CSMD1: variants seen among roughly 807,000 people sequenced by gnomAD.
The protein encoded by CSMD1 is CUB and sushi domain-containing protein 1.
CSMD1 carries 213 observed loss-of-function variants against 417.5 expected under a neutral mutation model. The observed-to-expected ratio is 0.51, with a 90% CI of 0.46 to 0.57. The LOEUF (loss-of-function observed/expected upper bound fraction) is 0.57. CSMD1 is among the 20% of genes least tolerant of loss of function. The probability of loss-of-function intolerance (pLI) is 0.00; values close to 1 mark genes in which losing one functional copy is unlikely to be tolerated. For synonymous variants in CSMD1, 2,862 were observed against 1,736.8 expected, an observed-to-expected ratio of 1.65 and a Z score of -16.11; for missense variants, 6,923 against 4,529.7, an observed-to-expected ratio of 1.53 and a Z score of -15.17.
intron 2 of CSMD1, among the ~76,000 whole-genome samples, chr8:4,454,049 C>G (rs1799322900): frequency 6.6e-6 from 1 of 151,972 alleles, no homozygotes; most frequent in Non-Finnish European, 1.5e-5. Context: ...GTCTCGATCT[C>G]CTGACCTCGT....
chr8:3,415,727 G>A (rs770386994), intron 12 of CSMD1, among the ~76,000 whole-genome samples: 1 of 152,104 alleles, frequency 6.6e-6, no homozygotes, highest in African/African-American at 2.4e-5. Context: ...TATATATTCT[G>A]GAGAATCTGA....
At chr8:4,394,301 CCCT>C (rs1804059224) in intron 3 of CSMD1, among the ~76,000 whole-genome samples, 1 of 151,988 alleles carries the variant, frequency 6.6e-6, no homozygotes, top group Admixed American at 6.5e-5. Flanking sequence ...AAAATGTTTA[CCCT>C]CCTATGTTTC....
chr8:4,457,285 T>A (rs184987349), intron 2 of CSMD1, among the ~76,000 whole-genome samples: 3 of 152,136 alleles, frequency 2.0e-5, no homozygotes, highest in Non-Finnish European at 1.5e-5. Flanking sequence ...CATATATCAT[T>A]TGAATTGCAT....
intron 3 of CSMD1, among the ~76,000 whole-genome samples, chr8:4,236,035 G>GTTTTTTTTTT (rs869046913): frequency 4.4e-5 from 5 of 112,610 alleles, no homozygotes; most frequent in African/African-American, 1.9e-4. Context: ...TGTTTTTTTT[G>GTTTTTTTTTT]TTTGTTTTTT....
chr8:4,294,419 T>G (rs1004878968), intron 3 of CSMD1, among the ~76,000 whole-genome samples: 1 of 152,170 alleles, frequency 6.6e-6, no homozygotes, highest in African/African-American at 2.4e-5. Flanking sequence ...ATAGCTAATG[T>G]TTATCAGACA....
intron 18 of CSMD1, among the ~76,000 whole-genome samples, chr8:3,379,532 A>T (rs1002824524): frequency 6.6e-6 from 1 of 152,204 alleles, no homozygotes; most frequent in African/African-American, 2.4e-5. Context: ...ACAGCAAGGT[A>T]CTGGTACCAA....
chr8:4,441,306 T>C (rs1251633857), intron 2 of CSMD1, among the ~76,000 whole-genome samples: 1 of 99,892 alleles, frequency 1.0e-5, no homozygotes. Context: ...GAGAGGGAGG[T>C]CTCACTCTGC....
intron 5 of CSMD1, among the ~76,000 whole-genome samples, chr8:3,862,261 C>G (rs1321457282): frequency 6.6e-6 from 1 of 152,182 alleles, no homozygotes; most frequent in African/African-American, 2.4e-5. Context: ...ACTTAGGGGA[C>G]TGTGATAACT....
At chr8:4,124,075 G>A (rs1272117622) in intron 3 of CSMD1, among the ~76,000 whole-genome samples, 2 of 151,496 alleles carry the variant, frequency 1.3e-5, no homozygotes, top group East Asian at 1.9e-4. Flanking sequence ...AGACTTCTAC[G>A]CACAGAACAA....
intron 12 of CSMD1, among the ~76,000 whole-genome samples, chr8:3,440,790 T>C (rs1585168884): frequency 6.6e-6 from 1 of 152,212 alleles, no homozygotes; most frequent in East Asian, 1.9e-4. Context: ...TTTTGTTTTG[T>C]TGTTTTGTAA....
chr8:3,561,959 G>C (rs1295346272), intron 10 of CSMD1, among the ~76,000 whole-genome samples: 3 of 152,188 alleles, frequency 2.0e-5, no homozygotes, highest in Non-Finnish European at 4.4e-5. Flanking sequence ...GCGTGTGCCT[G>C]TGTGCACTGC....
chr8:3,710,063 A>G (rs1801419713), intron 6 of CSMD1, among the ~76,000 whole-genome samples: 1 of 152,018 alleles, frequency 6.6e-6, no homozygotes, highest in Non-Finnish European at 1.5e-5. Flanking sequence ...TAACATAAAC[A>G]GTTACTTAAC....
chr8:4,774,718 G>C (rs1212549601), intron 1 of CSMD1, among the ~76,000 whole-genome samples: 1 of 152,106 alleles, frequency 6.6e-6, no homozygotes, highest in African/African-American at 2.4e-5. Context: ...GAATGGTTTG[G>C]TGCCATGCCT....
chr8:3,438,712 G>A (rs375071463), intron 12 of CSMD1, among the ~76,000 whole-genome samples: 16 of 152,176 alleles, frequency 1.1e-4, no homozygotes, highest in Admixed American at 5.9e-4. Flanking sequence ...ACATATTCCT[G>A]CTACTATTAC....
chr8:4,805,107 C>T (rs1798514605), intron 1 of CSMD1, among the ~76,000 whole-genome samples: 1 of 152,100 alleles, frequency 6.6e-6, no homozygotes, highest in Admixed American at 6.5e-5. Context: ...ATAATACTGG[C>T]ATATAAAATG....
chr8:4,821,955 G>C (rs143498751), intron 1 of CSMD1, among the ~76,000 whole-genome samples: 1 of 151,894 alleles, frequency 6.6e-6, no homozygotes, highest in South Asian at 2.1e-4. Flanking sequence ...ATCGAATAAA[G>C]CTTCTCAGAG....
intron 3 of CSMD1, among the ~76,000 whole-genome samples, chr8:4,419,078 G>C (rs956442107): frequency 6.6e-6 from 1 of 152,158 alleles, no homozygotes; most frequent in East Asian, 1.9e-4. Flanking sequence ...TAAATGCAGA[G>C]TATTCCCAGT....
chr8:3,816,476 C>T (rs192909096), intron 5 of CSMD1, among the ~76,000 whole-genome samples: 3 of 152,076 alleles, frequency 2.0e-5, no homozygotes, highest in Admixed American at 6.6e-5. Flanking sequence ...ATGAATCTCT[C>T]GCTGTGCCTA....
chr8:4,029,597 G>T (rs941023890), intron 4 of CSMD1, among the ~76,000 whole-genome samples: 1 of 152,124 alleles, frequency 6.6e-6, no homozygotes, highest in Non-Finnish European at 1.5e-5. Context: ...AATTGTGGGA[G>T]CTGCAATTCA....
Sources: allele counts gnomAD v4.1 joint callset (sites outside exome capture counted in the v4.1 genomes callset), GRCh38; gene constraint gnomAD v4.1.1; transcripts MANE v1.5; gene names NCBI Gene and HGNC (gene_info 2026-07-23, HGNC 2026-07-21).